The following WDR18 variants were observed in gnomAD, a reference collection of about 807,000 sequenced individuals.
WDR18 encodes the protein WD repeat-containing protein 18.
Under a neutral mutation model 49.6 loss-of-function variants are expected in WDR18, and 33 were observed. That is an observed-to-expected ratio of 0.67 (90% CI 0.50 to 0.89). WDR18 has a LOEUF of 0.89. Among genes scored for constraint, WDR18 ranks in the 40% least tolerant of loss-of-function variants. The pLI, the probability that WDR18 is intolerant of heterozygous loss-of-function variation, is 0.00. For synonymous variants in WDR18, 315 were observed against 263.6 expected, an observed-to-expected ratio of 1.19 and a Z score of -1.89; for missense variants, 653 against 593.6, an observed-to-expected ratio of 1.10 and a Z score of -1.04.
chr19:990,059 GGTTT>G, intron 3 of WDR18, 160 bp from the exon 4 acceptor site: 1 of 1,392,944 alleles, frequency 7.2e-7, no homozygotes. Flanking sequence ...ACTGGGGTCT[GGTTT>G]GTTCTGGGGG....
At chr19:988,789 C>T (rs560214855) in intron 2 of WDR18, among the ~76,000 whole-genome samples, 5 of 152,250 alleles carry the variant, frequency 3.3e-5, no homozygotes, top group Admixed American at 6.5e-5. Context: ...CCACCACTGC[C>T]GCGTGGAGCC....
upstream of WDR18, among the ~76,000 whole-genome samples, chr19:983,385 G>A (rs959203297): frequency 3.3e-5 from 5 of 151,924 alleles, no homozygotes; most frequent in African/African-American, 1.2e-4. Context: ...TCCGCCTCCC[G>A]GGTTCAAGCG....
chr19:990,553 C>T, intron 4 of WDR18, 189 bp downstream of exon 4: 1 of 958,622 alleles, frequency 1.0e-6, no homozygotes, highest in South Asian at 1.9e-5. Flanking sequence ...TACTCATTCA[C>T]CGTTTCTGGC....
At chr19:983,688 T>C (rs936252406), upstream of WDR18, among the ~76,000 whole-genome samples, 2 of 151,720 alleles carry the variant, frequency 1.3e-5, no homozygotes, top group African/African-American at 4.8e-5. Context: ...ATCCGACTAA[T>C]AATTTAGATG....
chr19:985,896 G>A lies in WDR18; in HGVS notation c.242G>A (p.Gly81Glu), dbSNP rs1212478314. 6.2e-7 allele frequency: 1 copy of A among 1,613,890 alleles called. No individual in the cohort carries two copies. The highest frequency in any genetic ancestry group is 8.5e-7 in the Non-Finnish European group (1 of 1,179,990). The part of the protein sequence containing the change: ...DQLQQKIMCP[G>E]PVTCLTASPN... ...CTCCAGCAGAAGATCATGTGCCCCG[G>A]GCCTGTCACCTGTCTGACTGCATCA... The change falls in exon 2 of 10, where the codon GGG (glycine) becomes GAG (glutamate). Residue 81 changes from glycine to glutamate, a missense_variant. By Grantham distance (98) the Gly-to-Glu change is moderately conservative (BLOSUM62 -2). Transcript: ENST00000585809.
At chr19:991,712 C>T (rs192844780) in intron 7 of WDR18, among the ~76,000 whole-genome samples, 1 of 912 alleles carries the variant, frequency 1.1e-3, no homozygotes, top group Non-Finnish European at 2.1e-3. Context: ...CTGGCTGGGA[C>T]GGGGCGGGGC....
At chr19:989,164 T>A (rs1011536596) in intron 2 of WDR18, among the ~76,000 whole-genome samples, 6 of 20,006 alleles carry the variant, frequency 3.0e-4, no homozygotes, top group Admixed American at 1.9e-3. Context: ...CACAACCCCC[T>A]CCAGAGCATC....
At chr19:984,244 C>G (rs1362291664), upstream of WDR18, 1 of 1,160,436 alleles carries the variant, frequency 8.6e-7, no homozygotes, top group Non-Finnish European at 1.2e-6. Context: ...CGGGCGCATG[C>G]GCGGGTCGGC....
chr19:992,292 C>T (rs1203419041), intron 8 of WDR18, among the ~76,000 whole-genome samples, 171 bp downstream of exon 8: 1 of 152,188 alleles, frequency 6.6e-6, no homozygotes, highest in Non-Finnish European at 1.5e-5. Context: ...GGCCTCTGCC[C>T]ACTCTCAGTA....
At chr19:986,362 C>T (rs1372988117) in intron 2 of WDR18, among the ~76,000 whole-genome samples, 1 of 152,200 alleles carries the variant, frequency 6.6e-6, no homozygotes, top group Non-Finnish European at 1.5e-5. Context: ...CTCTGCCTCC[C>T]AGGTTCAAGC....
At chr19:992,509 G>A (rs1205389926) in intron 8 of WDR18, among the ~76,000 whole-genome samples, 1 of 152,232 alleles carries the variant, frequency 6.6e-6, no homozygotes, top group Non-Finnish European at 1.5e-5. Flanking sequence ...AGCCGTGAGG[G>A]CAGGGAGCGG....
At chr19:985,113 C>G (rs72986036) in intron 1 of WDR18, among the ~76,000 whole-genome samples, 4,942 of 152,190 alleles carry the variant, frequency 0.032, 125 homozygotes, top group East Asian at 0.044. Context: ...TTGGGACTGG[C>G]TCTGTGCTCC....
At chr19:983,813 G>A (rs1444477402), upstream of WDR18, among the ~76,000 whole-genome samples, 2 of 151,858 alleles carry the variant, frequency 1.3e-5, no homozygotes, top group Non-Finnish European at 2.9e-5. Context: ...GCCGAGCTGG[G>A]AGGATCACTT....
chr19:992,405 A>C (rs1689078090), intron 8 of WDR18, among the ~76,000 whole-genome samples: 1 of 152,194 alleles, frequency 6.6e-6, no homozygotes, highest in Non-Finnish European at 1.5e-5. Flanking sequence ...GATATCTGAC[A>C]GTCAGTTAGG....
chr19:989,075 C>G (rs1469979788), intron 2 of WDR18, among the ~76,000 whole-genome samples: 5 of 34,962 alleles, frequency 1.4e-4, no homozygotes, highest in African/African-American at 2.3e-4. Flanking sequence ...AGCTTCTCAG[C>G]CCTCGAACCC....
At chr19:988,049 C>T (rs1000234749) in intron 2 of WDR18, among the ~76,000 whole-genome samples, 1 of 151,784 alleles carries the variant, frequency 6.6e-6, no homozygotes, top group East Asian at 1.9e-4. Flanking sequence ...AGGCTGGTTT[C>T]GAACTCCTGG....
At position 990,690 on chromosome 19, in the gene WDR18, TC is replaced by T. The variant is rs1599446798; in HGVS notation, c.598-158del. 25 of 1,101,132 alleles carry T rather than the reference TC, an allele frequency of 2.3e-5. No individual in the cohort carries two copies. In the East Asian group the frequency reaches 6.4e-4, roughly 28 times the overall value. 68.2% of individuals were successfully genotyped at this position (1,101,132 alleles called of 1,614,324 possible). On this transcript the variant is annotated intron_variant, in intron 4 of 9. Transcript: ENST00000585809. Reference sequence around the variant, plus strand: ...AAGCTCCATTTCAGCACAGGCCATGTCCCCTGGCCCCCAAGACCCACATGGT... The same window carrying T: ...AAGCTCCATTTCAGCACAGGCCATGTCCCTGGCCCCCAAGACCCACATGGT...
chr19:994,307 ACTTCTCCACGCG>A lies in WDR18; in HGVS notation c.1267_1278del (p.Ser423_Phe426del). The A allele has an allele frequency of 6.2e-7, 1 of 1,611,146 alleles. No homozygotes were observed. Among genetic ancestry groups the A allele is most frequent in the Non-Finnish European group, 8.5e-7 (1 of 1,179,374 alleles). Reference sequence around the variant, plus strand: ...CGCAAGATCAATCGGGACCTGTTCGACTTCTCCACGCGCTTCATCACGCGGCCGGCCAAGTGA... The same window carrying A: ...CGCAAGATCAATCGGGACCTGTTCGACTTCATCACGCGGCCGGCCAAGTGA... On this transcript the variant is annotated inframe_deletion, in exon 10 of 10. Coordinates refer to ENST00000585809, the MANE Select transcript of WDR18 (RefSeq NM_024100.4).
In WDR18 at chr19:990,655, GC is replaced by G. The variant is rs1323933719; in HGVS notation, c.598-195del. The G allele has an allele frequency of 1.5e-5, 13 of 883,766 alleles. No individual in the cohort carries two copies. In the Admixed American group the frequency reaches 2.3e-4, roughly 16 times the overall value. 54.7% of individuals were successfully genotyped at this position (883,766 alleles called of 1,614,324 possible). The stretch of plus-strand genomic sequence containing the variant: ...TGGGAGGGAGAACCAGGGGTCATCA[GC>G]CGGAGACCAAGCTCCATTTCAGCAC... On this transcript the variant is annotated intron_variant, in intron 4 of 9. Coordinates refer to ENST00000585809, the MANE Select transcript of WDR18 (RefSeq NM_024100.4).
Sources: gnomAD v4.1 joint callset for allele counts (sites outside exome capture counted in the v4.1 genomes callset) on GRCh38, gnomAD v4.1.1 for gene constraint, MANE v1.5 for transcripts, NCBI Gene and HGNC (gene_info 2026-07-23, HGNC 2026-07-21) for gene names.